Variants in GPD2 observed in about 807,000 individuals in gnomAD.
GPD2 encodes glycerol-3-phosphate dehydrogenase, mitochondrial.
A neutral mutation model predicts 82.4 loss-of-function variants in GPD2; 54 were observed. The observed-to-expected ratio is 0.66, with a 90% CI of 0.53 to 0.82. The LOEUF is 0.82. Ranked by LOEUF, GPD2 falls within the 40% of genes least tolerant of loss-of-function variation. GPD2 has a pLI of 0.00. For missense variants in GPD2, 748 were observed against 896.2 expected (o/e 0.83, Z 2.11); for synonymous variants, 288 against 306.1 (o/e 0.94, Z 0.62).
chr2:156,445,130 T>C (rs1008572137), intron 1 of GPD2, among the ~76,000 whole-genome samples: 3 of 152,200 alleles, frequency 2.0e-5, no homozygotes, highest in African/African-American at 7.2e-5. Context: ...TAAACAGCAA[T>C]GACAAGTATT....
chr2:156,423,875 T>C, the GPD2 span, among the ~76,000 whole-genome samples: 1 of 152,148 alleles, frequency 6.6e-6, no homozygotes, highest in African/African-American at 2.4e-5. Flanking sequence ...CAGTAGCCAG[T>C]AAGTGTAAAA....
At chr2:156,506,764 C>G (rs1409768000) in intron 3 of GPD2, among the ~76,000 whole-genome samples, 1 of 152,132 alleles carries the variant, frequency 6.6e-6, no homozygotes, top group Non-Finnish European at 1.5e-5. Context: ...CCCCTCATTC[C>G]TGCAGTCAGA....
intron 1 of GPD2, among the ~76,000 whole-genome samples, chr2:156,466,901 T>G (rs1683168947): frequency 6.6e-6 from 1 of 152,220 alleles, no homozygotes; most frequent in African/African-American, 2.4e-5. Flanking sequence ...GCTTCTCCTG[T>G]CAAGCTTCCA....
intron 9 of GPD2, among the ~76,000 whole-genome samples, chr2:156,565,449 T>C (rs550250296): frequency 6.6e-6 from 1 of 152,194 alleles, no homozygotes; most frequent in South Asian, 2.1e-4. Context: ...ACAGAAGCCA[T>C]CCAGATTAAA....
the GPD2 span, among the ~76,000 whole-genome samples, chr2:156,402,792 A>G: frequency 6.6e-6 from 1 of 152,182 alleles, no homozygotes; most frequent in Non-Finnish European, 1.5e-5. Flanking sequence ...TTGGGATTAC[A>G]GGGGTGAGCC....
At chr2:156,576,329 C>A (rs1037935335) in intron 13 of GPD2, among the ~76,000 whole-genome samples, 2 of 152,044 alleles carry the variant, frequency 1.3e-5, no homozygotes, top group Admixed American at 1.3e-4. Context: ...GTATGACAAA[C>A]CGGTTGTGGT....
chr2:156,550,882 T>C, intron 8 of GPD2, 136 bp downstream of exon 8: 2 of 801,636 alleles, frequency 2.5e-6, no homozygotes, highest in Admixed American at 4.1e-5. Flanking sequence ...GTAAAGGAAC[T>C]CTTCCAAAAC....
At chr2:156,438,051 C>T (rs1464065605) in intron 1 of GPD2, among the ~76,000 whole-genome samples, 1 of 152,122 alleles carries the variant, frequency 6.6e-6, no homozygotes, top group East Asian at 1.9e-4. Context: ...AACTCTAATG[C>T]CTGGAGTGGT....
the GPD2 span, among the ~76,000 whole-genome samples, chr2:156,400,876 T>C: frequency 6.6e-6 from 1 of 152,152 alleles, no homozygotes; most frequent in African/African-American, 2.4e-5. Flanking sequence ...TTTTCTCCTT[T>C]CCTGTTGTAT....
intron 8 of GPD2, among the ~76,000 whole-genome samples, chr2:156,555,596 A>T (rs560463011): frequency 6.6e-6 from 1 of 152,318 alleles, no homozygotes; most frequent in South Asian, 2.1e-4. Context: ...TTCTAATCTC[A>T]AAGTGACTGA....
At chr2:156,466,955 C>T (rs1033300358) in intron 1 of GPD2, among the ~76,000 whole-genome samples, 13 of 152,168 alleles carry the variant, frequency 8.5e-5, no homozygotes, top group Non-Finnish European at 1.8e-4. Context: ...CCTGGGCCAA[C>T]CTCGTTCTCA....
In GPD2 at chr2:156,505,542, A is replaced by C. The variant is rs377208779; in HGVS notation, c.275-5254A>C. On this transcript the variant is annotated intron_variant, in intron 3 of 16. Transcript: ENST00000438166. ...TAGCTGCTAACAAGAAAAAAGAAAA[A>C]GAAAAACAAACTTACTATAAAATCT... Among the ~76,000 whole-genome samples, 23 of 152,290 alleles carry C rather than the reference A, an allele frequency of 1.5e-4. No homozygotes were observed. The South Asian group carries it at 2.7e-3, about 18-fold the overall frequency.
At chr2:156,462,366 A>G (rs1314072616) in intron 1 of GPD2, among the ~76,000 whole-genome samples, 1 of 150,998 alleles carries the variant, frequency 6.6e-6, no homozygotes, top group Non-Finnish European at 1.5e-5. Context: ...GCTCACTGCA[A>G]CCTCCGCCTC....
intron 16 of GPD2, among the ~76,000 whole-genome samples, chr2:156,581,731 A>G (rs1352207360): frequency 6.6e-6 from 1 of 152,036 alleles, no homozygotes; most frequent in African/African-American, 2.4e-5. Context: ...CTGGGTTTTA[A>G]TGACACTTTT....
At chr2:156,459,683 T>A (rs1682916132) in intron 1 of GPD2, among the ~76,000 whole-genome samples, 1 of 990 alleles carries the variant, frequency 1.0e-3, no homozygotes, top group African/African-American at 2.3e-3. Context: ...CAAGACTCCG[T>A]CTCAAAAAAA....
intron 2 of GPD2, among the ~76,000 whole-genome samples, chr2:156,489,062 G>C (rs1375744709): frequency 6.6e-6 from 1 of 152,100 alleles, no homozygotes; most frequent in African/African-American, 2.4e-5. Flanking sequence ...AATTGATCCT[G>C]AATTTGATAG....
At chr2:156,426,064 C>T in the GPD2 span, among the ~76,000 whole-genome samples, 3 of 151,992 alleles carry the variant, frequency 2.0e-5, no homozygotes, top group Admixed American at 1.3e-4. Flanking sequence ...GCTGGGACTA[C>T]AGGCGCCCAC....
At chr2:156,436,790 T>C (rs939013898) in intron 1 of GPD2, among the ~76,000 whole-genome samples, 4 of 152,146 alleles carry the variant, frequency 2.6e-5, no homozygotes, top group African/African-American at 9.7e-5. Flanking sequence ...CATGCAAACT[T>C]TTAGCTTGTA....
intron 16 of GPD2, among the ~76,000 whole-genome samples, chr2:156,580,205 G>C (rs987583310): frequency 6.6e-6 from 1 of 152,096 alleles, no homozygotes; most frequent in East Asian, 1.9e-4. Flanking sequence ...TTTTTAAAAA[G>C]TATGGTTCTA....
Sources: allele counts gnomAD v4.1 joint callset (sites outside exome capture counted in the v4.1 genomes callset), GRCh38; gene constraint gnomAD v4.1.1; transcripts MANE v1.5; gene names NCBI Gene and HGNC (gene_info 2026-07-23, HGNC 2026-07-21).